Variants in SORBS2 observed in about 807,000 individuals in gnomAD.
SORBS2 encodes the protein sorbin and SH3 domain containing 2.
Under a neutral mutation model 97.7 loss-of-function variants are expected in SORBS2, and 46 were observed. The ratio of observed to expected loss-of-function variants is 0.47; its 90% CI spans 0.37 to 0.60. The LOEUF (loss-of-function observed/expected upper bound fraction) is 0.60, where lower values mean the gene tolerates loss of function less well. Among genes scored for constraint, SORBS2 ranks in the 20% least tolerant of loss-of-function variants. SORBS2 has a pLI of 0.00. For missense variants in SORBS2, 1,316 were observed against 1,282.3 expected (o/e 1.03, Z -0.40); for synonymous variants, 476 against 473.4 (o/e 1.01, Z -0.07).
At chr4:185,768,069 G>A (rs929905543) in intron 2 of SORBS2, among the ~76,000 whole-genome samples, 5 of 151,986 alleles carry the variant, frequency 3.3e-5, no homozygotes, top group African/African-American at 4.8e-5. Flanking sequence ...TACAATATAC[G>A]CCCAGCTCCC....
intron 1 of SORBS2, among the ~76,000 whole-genome samples, chr4:185,919,907 T>C (rs2099260173): frequency 5.9e-5 from 9 of 152,274 alleles, no homozygotes; most frequent in Admixed American, 5.9e-4. Context: ...ACATAAGATA[T>C]TGGCTTTGCA....
chr4:185,868,159 C>CTTTTTTTTTT lies in SORBS2; in HGVS notation c.-338+88027_-338+88036dup, dbSNP rs112680775. Among the ~76,000 whole-genome samples the CTTTTTTTTTT allele has an allele frequency of 1.5e-3, 153 of 105,192 alleles. 3 individuals carry two copies. Among genetic ancestry groups the CTTTTTTTTTT allele is most frequent in the African/African-American group, 3.7e-3 (95 of 25,606 alleles). 69.0% of individuals were successfully genotyped at this position (105,192 alleles called of 152,430 possible). On this transcript the variant is annotated intron_variant, in intron 1 of 20. Coordinates refer to the SORBS2 transcript ENST00000284776. ...TCTCTTTTCTTTTCTTTTTTTCTTT[C>CTTTTTTTTTT]TTTTTTTTTTTTTTTGAGGCAGAGT... is the stretch of plus-strand genomic sequence containing the variant.
chr4:185,594,544 G>A (rs1302235399), intron 12 of SORBS2, among the ~76,000 whole-genome samples: 1 of 152,052 alleles, frequency 6.6e-6, no homozygotes, highest in Non-Finnish European at 1.5e-5. Flanking sequence ...ACAATATCCG[G>A]GTAACATGTA....
intron 1 of SORBS2, among the ~76,000 whole-genome samples, chr4:185,826,296 A>G (rs951644552): frequency 6.6e-6 from 1 of 152,146 alleles, no homozygotes; most frequent in African/African-American, 2.4e-5. Flanking sequence ...GTGGCCCCTC[A>G]GGCACCCTCA....
intron 1 of SORBS2, among the ~76,000 whole-genome samples, chr4:185,862,192 A>C (rs896426555): frequency 6.6e-6 from 1 of 152,234 alleles, no homozygotes; most frequent in Admixed American, 6.5e-5. Context: ...TACTAAGAGC[A>C]ACAGCAACAG....
At chr4:185,789,844 T>G (rs2099072625) in intron 1 of SORBS2, among the ~76,000 whole-genome samples, 3 of 152,222 alleles carry the variant, frequency 2.0e-5, no homozygotes, top group Admixed American at 6.5e-5. Flanking sequence ...CTATTCTTGC[T>G]TCTTGACCAT....
At chr4:185,868,060 G>T (rs1451413720) in intron 1 of SORBS2, among the ~76,000 whole-genome samples, 1 of 151,670 alleles carries the variant, frequency 6.6e-6, no homozygotes, top group Non-Finnish European at 1.5e-5. Flanking sequence ...GACAATAAGT[G>T]CCTCTAACTT....
In SORBS2 at chr4:185,606,592, C is replaced by T. The variant is rs1276385419; in HGVS notation, c.2796+5188G>A. 1 of 985,138 alleles carries T rather than the reference C, an allele frequency of 1.0e-6. No homozygotes were observed. Among genetic ancestry groups the T allele is most frequent in the East Asian group, 1.1e-4 (1 of 8,814 alleles). The allele number at this position is 985,138 out of a possible 1,614,324, so 61.0% of individuals were successfully genotyped here. On this transcript the variant is annotated intron_variant, in intron 12 of 14. Coordinates refer to ENST00000418609, the Ensembl canonical transcript of SORBS2. This position sits in a 1 kb window ranked among gnomAD's most constrained non-coding sequence, Gnocchi z 4.3. ...CAGACAAAATTAAAATACCTCATTA[C>T]TGGGTTTTGCTGCATTGCTGTCCTC...
chr4:185,950,590 G>A (rs1339248544), intron 1 of SORBS2, among the ~76,000 whole-genome samples: 2 of 152,202 alleles, frequency 1.3e-5, no homozygotes, highest in Non-Finnish European at 2.9e-5. Context: ...GTGTGGCTCA[G>A]GAGTGATGAA....
At chr4:185,926,026 C>T (rs924206869) in intron 1 of SORBS2, among the ~76,000 whole-genome samples, 2 of 152,160 alleles carry the variant, frequency 1.3e-5, no homozygotes, top group Admixed American at 1.3e-4. Flanking sequence ...CACACAGACT[C>T]GGAGGAGCCA....
intron 2 of SORBS2, among the ~76,000 whole-genome samples, chr4:185,735,020 C>T (rs35085726): frequency 0.015 from 2,314 of 152,344 alleles, 29 homozygotes; most frequent in South Asian, 0.028. Context: ...TAAGGCTCTA[C>T]ACTGTGCAGA....
chr4:185,773,605 C>A (rs2098984456), intron 2 of SORBS2: 1 of 152,230 alleles, frequency 6.6e-6, no homozygotes, highest in Non-Finnish European at 1.5e-5. Flanking sequence ...CGCTGAGGAG[C>A]TAGCGTCCTT....
chr4:185,925,830 G>A (rs1052832081), intron 1 of SORBS2, among the ~76,000 whole-genome samples: 7 of 152,132 alleles, frequency 4.6e-5, no homozygotes, highest in Admixed American at 2.0e-4. Context: ...TATAGAGTCC[G>A]GGTGCAGGGT....
chr4:185,917,480 G>A (rs978864976), intron 1 of SORBS2, among the ~76,000 whole-genome samples: 2 of 152,128 alleles, frequency 1.3e-5, no homozygotes, highest in East Asian at 1.9e-4. Flanking sequence ...CACCTGCCTC[G>A]GCCTCCCAAC....
intron 1 of SORBS2, among the ~76,000 whole-genome samples, chr4:185,928,176 T>C (rs1050693353): frequency 6.6e-6 from 1 of 152,048 alleles, no homozygotes; most frequent in East Asian, 1.9e-4. Context: ...GGGACCAAAG[T>C]GGAAGGATTC....
At chr4:185,820,883 G>T (rs1228718537) in intron 1 of SORBS2, among the ~76,000 whole-genome samples, 1 of 152,216 alleles carries the variant, frequency 6.6e-6, no homozygotes, top group Non-Finnish European at 1.5e-5. Flanking sequence ...GGCTGTGGAG[G>T]ATACAGAAAT....
intron 1 of SORBS2, among the ~76,000 whole-genome samples, chr4:185,938,078 C>T (rs1332901908): frequency 4.8e-5 from 7 of 144,716 alleles, no homozygotes; most frequent in East Asian, 2.1e-4. Flanking sequence ...GGCATGATCT[C>T]GGCCCACTGC....
At chr4:185,873,282 C>T (rs187475685) in intron 1 of SORBS2, among the ~76,000 whole-genome samples, 16 of 152,164 alleles carry the variant, frequency 1.1e-4, no homozygotes, top group Non-Finnish European at 2.1e-4. Flanking sequence ...GGTCTTTTAC[C>T]TTATGTGGAC....
intron 1 of SORBS2, among the ~76,000 whole-genome samples, chr4:185,826,997 C>T (rs2153672002): frequency 6.6e-6 from 1 of 151,114 alleles, no homozygotes; most frequent in East Asian, 2.0e-4. Flanking sequence ...CCACTGTACC[C>T]CACCCCTGAC....
Sources: allele counts gnomAD v4.1 joint callset (sites outside exome capture counted in the v4.1 genomes callset), GRCh38; gene constraint gnomAD v4.1.1; non-coding constraint Gnocchi (gnomAD v3.1); transcripts MANE v1.5; gene names NCBI Gene and HGNC (gene_info 2026-07-23, HGNC 2026-07-21).